The following THSD4 variants were observed in gnomAD, a reference collection of about 807,000 sequenced individuals.
THSD4 encodes the protein thrombospondin type-1 domain-containing protein 4.
THSD4 carries 69 observed loss-of-function variants against 119.0 expected under a neutral mutation model. The observed-to-expected ratio is 0.58, with a 90% confidence interval of 0.48 to 0.71. The LOEUF (loss-of-function observed/expected upper bound fraction) is 0.71, where lower values mean the gene tolerates loss of function less well. Among genes scored for constraint, THSD4 ranks in the 30% least tolerant of loss-of-function variants. The pLI is 0.00. For synonymous variants in THSD4, 524 were observed against 540.4 expected, an observed-to-expected ratio of 0.97 and a Z score of 0.42; for missense variants, 1,393 against 1,391.1, an observed-to-expected ratio of 1.00 and a Z score of -0.02.
chr15:71,602,185 C>G (rs377399293), intron 7 of THSD4, among the ~76,000 whole-genome samples: 3 of 151,794 alleles, frequency 2.0e-5, no homozygotes, highest in Non-Finnish European at 4.4e-5. Context: ...ACTGAAGGAG[C>G]CAAAAAATAA....
At chr15:71,680,837 A>C (rs1248951135) in intron 8 of THSD4, among the ~76,000 whole-genome samples, 2 of 152,352 alleles carry the variant, frequency 1.3e-5, no homozygotes, top group East Asian at 3.9e-4. Flanking sequence ...AGGTTAAATA[A>C]GGTAAAACAG....
intron 6 of THSD4, among the ~76,000 whole-genome samples, chr15:71,347,492 T>C (rs1388998926): frequency 6.6e-6 from 1 of 152,214 alleles, no homozygotes; most frequent in Non-Finnish European, 1.5e-5. Flanking sequence ...GTCTCTACTT[T>C]CTATCTATAT....
At chr15:71,719,359 A>C (rs1376216090) in intron 8 of THSD4, among the ~76,000 whole-genome samples, 2 of 152,254 alleles carry the variant, frequency 1.3e-5, no homozygotes, top group Non-Finnish European at 2.9e-5. Flanking sequence ...ACTGAAAAAA[A>C]ATTACTGTGT....
At chr15:71,607,204 G>C (rs957837069) in intron 7 of THSD4, among the ~76,000 whole-genome samples, 3 of 152,206 alleles carry the variant, frequency 2.0e-5, no homozygotes, top group African/African-American at 7.2e-5. Flanking sequence ...TTTCACAGGA[G>C]AGGTGGAATT....
chr15:71,604,565 T>C (rs1244683798), intron 7 of THSD4, among the ~76,000 whole-genome samples: 2 of 152,204 alleles, frequency 1.3e-5, no homozygotes, highest in African/African-American at 4.8e-5. Context: ...TAGAAAGGCC[T>C]AGGATATTCT....
chr15:71,693,425 T>C (rs1164382038), intron 8 of THSD4, among the ~76,000 whole-genome samples: 1 of 152,182 alleles, frequency 6.6e-6, no homozygotes, highest in Non-Finnish European at 1.5e-5. Context: ...GGTGGGCAGA[T>C]TGCTTGAGCC....
chr15:71,530,491 A>T (rs7165479), intron 7 of THSD4, among the ~76,000 whole-genome samples: 10 of 151,954 alleles, frequency 6.6e-5, no homozygotes, highest in African/African-American at 2.4e-4. Flanking sequence ...TTTGGGTGTG[A>T]GTTTTTATGA....
rs1469683442 is a variant in THSD4 at position 71,576,107 on chromosome 15, A to G, written c.1153-84423A>G. 1.9e-3 allele frequency among the ~76,000 whole-genome samples: 44 copies of G among 23,708 alleles called. 1 individual carries two copies. The highest frequency in any genetic ancestry group is 0.013 in the Admixed American group (21 of 1,576). The allele number at this position is 23,708 out of a possible 152,430, so 15.6% of individuals were successfully genotyped here. A position where few individuals can be genotyped will look rare whatever the true frequency, so the allele number is the denominator to read the frequency against. On this transcript the variant is annotated intron_variant, in intron 7 of 17. Coordinates refer to ENST00000261862, the MANE Select transcript of THSD4 (RefSeq NM_024817.3). ...AGTTAGATAGTAGTCTTTTTTGTGG[A>G]AAAAAAAAAAAATTGTTCTCACTTG...
At chr15:71,520,259 G>A (rs1247292188) in intron 7 of THSD4, among the ~76,000 whole-genome samples, 2 of 152,192 alleles carry the variant, frequency 1.3e-5, no homozygotes, top group Non-Finnish European at 2.9e-5. Context: ...GGGGTCGACT[G>A]GTCTAGAGAT....
At chr15:71,376,732 A>G (rs1387995045) in intron 6 of THSD4, among the ~76,000 whole-genome samples, 1 of 152,192 alleles carries the variant, frequency 6.6e-6, no homozygotes, top group African/African-American at 2.4e-5. Context: ...GTATAAGCAA[A>G]GGCATGAGGT....
intron 6 of THSD4, among the ~76,000 whole-genome samples, chr15:71,389,813 T>TTTTTTTTTTTTTTG: frequency 8.1e-6 from 1 of 124,052 alleles, no homozygotes; most frequent in Admixed American, 7.9e-5. Flanking sequence ...CTGGGTTGTT[T>TTTTTTTTTTTTTTG]TTTTTTTTTT....
At chr15:71,469,985 A>C (rs1007788649) in intron 7 of THSD4, among the ~76,000 whole-genome samples, 2 of 152,232 alleles carry the variant, frequency 1.3e-5, no homozygotes, top group Admixed American at 1.3e-4. Flanking sequence ...GGATTTTAAC[A>C]TATAAATAGG....
intron 8 of THSD4, among the ~76,000 whole-genome samples, chr15:71,680,273 G>A (rs1030005077): frequency 1.3e-5 from 2 of 152,176 alleles, no homozygotes; most frequent in African/African-American, 4.8e-5. Context: ...GAACACCAAG[G>A]TTCTCTAAGC....
intron 7 of THSD4, among the ~76,000 whole-genome samples, chr15:71,563,642 T>C (rs1185400739): frequency 6.6e-6 from 1 of 152,208 alleles, no homozygotes; most frequent in Admixed American, 6.5e-5. Context: ...AGTCCACATC[T>C]TTTTATTGGG....
chr15:71,652,720 G>T (rs2140983122), intron 7 of THSD4, among the ~76,000 whole-genome samples: 1 of 152,218 alleles, frequency 6.6e-6, no homozygotes, highest in East Asian at 1.9e-4. Flanking sequence ...TCTTCCAGTT[G>T]AGTCCCTTGA....
chr15:71,571,412 A>C (rs12438067), intron 7 of THSD4, among the ~76,000 whole-genome samples: 1 of 151,912 alleles, frequency 6.6e-6, no homozygotes, highest in Non-Finnish European at 1.5e-5. Flanking sequence ...TTTGCCTGAA[A>C]GTTTCTGTGT....
chr15:71,524,811 A>G (rs1365410194), intron 7 of THSD4, among the ~76,000 whole-genome samples: 1 of 134,470 alleles, frequency 7.4e-6, no homozygotes, highest in African/African-American at 2.9e-5. Flanking sequence ...ACGGGGTTTC[A>G]CCGTATTAGC....
chr15:71,326,922 C>A (rs937159832), intron 6 of THSD4, among the ~76,000 whole-genome samples: 1 of 150,832 alleles, frequency 6.6e-6, no homozygotes, highest in African/African-American at 2.4e-5. Context: ...AATCCTAGCG[C>A]TTTGGGAGGC....
chr15:71,150,832 C>T (rs1217962019), intron 2 of THSD4, among the ~76,000 whole-genome samples: 2 of 152,104 alleles, frequency 1.3e-5, no homozygotes, highest in Admixed American at 6.5e-5. Flanking sequence ...TATGTTAATT[C>T]ACAGTATTTT....
Sources: allele counts gnomAD v4.1 joint callset (sites outside exome capture counted in the v4.1 genomes callset), GRCh38; gene constraint gnomAD v4.1.1; transcripts MANE v1.5; gene names NCBI Gene and HGNC (gene_info 2026-07-23, HGNC 2026-07-21).